ERC1: variants seen among roughly 807,000 people sequenced by gnomAD.
ERC1 encodes ELKS/RAB6-interacting/CAST family member 1.
Under a neutral mutation model 132.0 loss-of-function variants are expected in ERC1, and 56 were observed. The observed-to-expected ratio is 0.42, with a 90% CI of 0.34 to 0.53. ERC1 has a LOEUF of 0.53. Ranked by LOEUF, ERC1 falls within the 20% of genes least tolerant of loss-of-function variation. The probability of loss-of-function intolerance (pLI) is 0.03; values close to 1 mark genes in which losing one functional copy is unlikely to be tolerated. For synonymous variants in ERC1, 478 were observed against 476.1 expected, an observed-to-expected ratio of 1.00 and a Z score of -0.05; for missense variants, 1,202 against 1,349.9, an observed-to-expected ratio of 0.89 and a Z score of 1.72.
intron 8 of ERC1, among the ~76,000 whole-genome samples, chr12:1,156,713 T>TAA (rs1407448169): frequency 6.6e-6 from 1 of 152,240 alleles, no homozygotes; most frequent in African/African-American, 2.4e-5. Flanking sequence ...CAAACCTTTT[T>TAA]AAATTTCCAC....
At chr12:1,187,811 C>A (rs1460069017) in intron 11 of ERC1, among the ~76,000 whole-genome samples, 2 of 152,154 alleles carry the variant, frequency 1.3e-5, no homozygotes, top group Non-Finnish European at 2.9e-5. Flanking sequence ...ACAAGACAGA[C>A]CTGTCCCTTG....
chr12:1,181,012 C>G (rs1177873871), intron 9 of ERC1, among the ~76,000 whole-genome samples: 2 of 152,054 alleles, frequency 1.3e-5, no homozygotes, highest in Admixed American at 1.3e-4. Context: ...GGGGTTTTGC[C>G]ATGTTGGCCA....
chr12:1,217,602 G>C lies in ERC1; in HGVS notation c.2352-19167G>C, dbSNP rs146889757. ...TTCTCCACCTTGGAATGGTGACACT[G>C]AAAGATACAATTCAGCTCTGGCCAA... On this transcript the variant is annotated intron_variant, in intron 12 of 18. Coordinates refer to ENST00000360905, the MANE Select transcript of ERC1 (RefSeq NM_178040.4). Among the ~76,000 whole-genome samples, 651 of 152,254 alleles carry C rather than the reference G, an allele frequency of 4.3e-3. 9 individuals are homozygous for C. The highest frequency in any genetic ancestry group is 0.015 in the African/African-American group (623 of 41,558).
At chr12:1,485,267 T>C (rs573120557) in intron 18 of ERC1, among the ~76,000 whole-genome samples, 12 of 141,008 alleles carry the variant, frequency 8.5e-5, no homozygotes, top group East Asian at 2.1e-4. Flanking sequence ...TGCAGTGGCG[T>C]GATCTTAGCC....
At chr12:1,177,153 C>G (rs938094168) in intron 8 of ERC1, among the ~76,000 whole-genome samples, 1 of 152,162 alleles carries the variant, frequency 6.6e-6, no homozygotes, top group Non-Finnish European at 1.5e-5. Flanking sequence ...TAGGCTTTGG[C>G]TTGAGGCATG....
Position 1,309,950 on chromosome 12 carries a change from TG to T in ERC1, c.2780+19939del, listed in dbSNP as rs1177125670. On this transcript the variant is annotated intron_variant, in intron 15 of 18. Transcript: ENST00000360905. ...TGTTTTCTTTTGTTTTGTTTTGTTT[TG>T]TTTTGTTTTGTTTTGAGACAGAGTC... Among the ~76,000 whole-genome samples, 105 of 150,336 alleles carry T rather than the reference TG, an allele frequency of 7.0e-4. 1 individual carries two copies. The highest frequency in any genetic ancestry group is 1.6e-3 in the African/African-American group (63 of 40,644).
chr12:1,453,837 A>C (rs1036687415), intron 18 of ERC1, among the ~76,000 whole-genome samples: 5 of 152,180 alleles, frequency 3.3e-5, no homozygotes, highest in African/African-American at 1.2e-4. Flanking sequence ...TTTAATGCTA[A>C]ATATAGTATG....
At position 1,296,401 on chromosome 12, in the gene ERC1, C is replaced by CTTTTTTTT. The variant is rs57458560; in HGVS notation, c.2780+6411_2780+6418dup. Among the ~76,000 whole-genome samples, 382 of 76,238 alleles carry CTTTTTTTT rather than the reference C, an allele frequency of 5.0e-3. 43 individuals carry two copies. The highest frequency in any genetic ancestry group is 7.1e-3 in the Non-Finnish European group (297 of 42,122). The allele number at this position is 76,238 out of a possible 152,430, so 50.0% of individuals were successfully genotyped here. A position where few individuals can be genotyped will look rare whatever the true frequency, so the allele number is the denominator to read the frequency against. ...AGAAATGAAACATTTATTGGATAGTCTTTTTTTTTTTTTTTTTTTTTTTTT... is the reference window on the plus strand; with the variant it reads ...AGAAATGAAACATTTATTGGATAGTCTTTTTTTTTTTTTTTTTTTTTTTTTTTTTTTTT... On this transcript the variant is annotated intron_variant, in intron 15 of 18. Coordinates refer to ENST00000360905, the MANE Select transcript of ERC1 (RefSeq NM_178040.4).
At chr12:1,199,563 G>A (rs2077094811) in intron 12 of ERC1, among the ~76,000 whole-genome samples, 1 of 152,080 alleles carries the variant, frequency 6.6e-6, no homozygotes, top group South Asian at 2.1e-4. Flanking sequence ...CTGAGGTCAG[G>A]AGTTCGAGAC....
intron 11 of ERC1, 21 bp downstream of exon 11, chr12:1,183,442 T>C: frequency 6.5e-7 from 1 of 1,537,376 alleles, no homozygotes; most frequent in African/African-American, 1.4e-5. Context: ...AAATTTCACA[T>C]TTTTTTGCTT....
At chr12:1,323,184 C>G (rs956817608) in intron 15 of ERC1, among the ~76,000 whole-genome samples, 2 of 141,652 alleles carry the variant, frequency 1.4e-5, no homozygotes, top group Non-Finnish European at 3.1e-5. Context: ...TGTGCAATGT[C>G]TAAAGCCCGA....
At chr12:1,366,138 A>T (rs1024187038) in intron 15 of ERC1, among the ~76,000 whole-genome samples, 41 of 152,198 alleles carry the variant, frequency 2.7e-4, no homozygotes, top group African/African-American at 9.7e-4. Context: ...GGTTGGTCGC[A>T]GAACAATCTA....
upstream of ERC1, chr12:989,971 T>C (rs1959164902): frequency 6.6e-6 from 1 of 152,082 alleles, no homozygotes; most frequent in South Asian, 2.1e-4. Flanking sequence ...TTGGTAGTCA[T>C]ATGTGGGAAG....
rs1473347913 is a variant in ERC1, at chr12:1,333,019, CGTCCTG to C, written c.2781-38813_2781-38808del. ...GGTACCCTTTAGTTACTTTATAATT[CGTCCTG>C]ATCCTCGTCCTGATCCTCGTCCTGA... On this transcript the variant is annotated intron_variant, in intron 15 of 18. Transcript: ENST00000360905. Among the ~76,000 whole-genome samples, 11 of 94,150 alleles carry C rather than the reference CGTCCTG, an allele frequency of 1.2e-4. No individual in the cohort carries two copies. The East Asian group carries it at 2.8e-3, about 24-fold the overall frequency. The allele number at this position is 94,150 out of a possible 152,430, so 61.8% of individuals were successfully genotyped here.
chr12:1,228,633 A>G (rs1018328270), intron 12 of ERC1, among the ~76,000 whole-genome samples: 41 of 152,224 alleles, frequency 2.7e-4, no homozygotes, highest in African/African-American at 9.4e-4. Flanking sequence ...AAAGCTTTCA[A>G]CTTTTCACCG....
chr12:1,123,537 A>G lies in ERC1; in HGVS notation c.1569+7504A>G, dbSNP rs576487880. On this transcript the variant is annotated intron_variant, in intron 7 of 18. Coordinates refer to ENST00000360905, the MANE Select transcript of ERC1 (RefSeq NM_178040.4). ...CAGAGATAGAAAAAAATTTAAAAATAAAAGTTATATCAGGAAAATAGGCCT... is the reference window on the plus strand; with the variant it reads ...CAGAGATAGAAAAAAATTTAAAAATGAAAGTTATATCAGGAAAATAGGCCT... Among the ~76,000 whole-genome samples the G allele has an allele frequency of 4.6e-5, 7 of 152,366 alleles. No individual in the cohort carries two copies. The South Asian group carries it at 1.5e-3, about 32-fold the overall frequency.
At chr12:1,125,402 A>G (rs1317271318) in intron 7 of ERC1, among the ~76,000 whole-genome samples, 5 of 152,204 alleles carry the variant, frequency 3.3e-5, no homozygotes, top group Non-Finnish European at 7.3e-5. Context: ...ACCCAAGGAT[A>G]TGAGGAAAAA....
At chr12:1,012,471 C>CTT (rs58882619) in intron 1 of ERC1, among the ~76,000 whole-genome samples, 6 of 85,442 alleles carry the variant, frequency 7.0e-5, no homozygotes, top group Admixed American at 1.3e-4. Flanking sequence ...GATATTTAAT[C>CTT]TTTTTTTTTT....
intron 15 of ERC1, among the ~76,000 whole-genome samples, chr12:1,342,620 C>T (rs1233326565): frequency 6.6e-6 from 1 of 152,180 alleles, no homozygotes; most frequent in Non-Finnish European, 1.5e-5. Flanking sequence ...ACAGACCCTC[C>T]TAGTCTTTTA....
Sources: gnomAD v4.1 joint callset for allele counts (sites outside exome capture counted in the v4.1 genomes callset) on GRCh38, gnomAD v4.1.1 for gene constraint, MANE v1.5 for transcripts, NCBI Gene and HGNC (gene_info 2026-07-23, HGNC 2026-07-21) for gene names.